SLC8A1: variants seen among roughly 807,000 people sequenced by gnomAD.
The protein encoded by SLC8A1 is solute carrier family 8 member A1.
Under a neutral mutation model 68.3 loss-of-function variants are expected in SLC8A1, and 18 were observed. The ratio of observed to expected loss-of-function variants is 0.26; its 90% CI spans 0.18 to 0.39. The LOEUF is 0.39. SLC8A1 is among the 10% of genes least tolerant of loss of function. SLC8A1 has a pLI of 1.00. For missense variants in SLC8A1, 985 were observed against 1,156.7 expected, an observed-to-expected ratio of 0.85 and a Z score of 2.15; for synonymous variants, 475 against 415.5, an observed-to-expected ratio of 1.14 and a Z score of -1.74.
At chr2:40,155,320 G>A (rs2044272983) in intron 6 of SLC8A1, among the ~76,000 whole-genome samples, 1 of 151,968 alleles carries the variant, frequency 6.6e-6, no homozygotes, top group Non-Finnish European at 1.5e-5. Context: ...AAGTAGAGAG[G>A]TGGTTTCACC....
chr2:40,170,137 C>T (rs529016204), intron 4 of SLC8A1, 144 bp downstream of exon 7: 13 of 714,442 alleles, frequency 1.8e-5, no homozygotes, highest in South Asian at 3.8e-5. Flanking sequence ...TGTAATCCAC[C>T]GTACCACTGG....
intron 1 of SLC8A1, among the ~76,000 whole-genome samples, chr2:40,495,997 T>A (rs931037042): frequency 2.6e-5 from 4 of 152,006 alleles, no homozygotes; most frequent in Non-Finnish European, 5.9e-5. Context: ...TCTATTTAGA[T>A]AAATAAAACA....
At chr2:40,318,834 G>C (rs758885050) in intron 2 of SLC8A1, among the ~76,000 whole-genome samples, 4 of 152,032 alleles carry the variant, frequency 2.6e-5, no homozygotes, top group Non-Finnish European at 4.4e-5. Flanking sequence ...TGTGTGCAAC[G>C]CTTAGGAAAG....
chr2:40,391,190 T>TATA (rs1553562237), intron 2 of SLC8A1, among the ~76,000 whole-genome samples: 10 of 149,114 alleles, frequency 6.7e-5, no homozygotes, highest in African/African-American at 2.5e-4. Context: ...TGTATATATA[T>TATA]TACACACACA....
At chr2:40,204,137 T>C (rs1313520359) in intron 2 of SLC8A1, among the ~76,000 whole-genome samples, 2 of 152,060 alleles carry the variant, frequency 1.3e-5, no homozygotes, top group Non-Finnish European at 2.9e-5. Context: ...AAGCCATTTG[T>C]TGCACTTACT....
chr2:40,216,233 C>G lies in SLC8A1; in HGVS notation c.1809-38378G>C, dbSNP rs143635484. 4.7e-3 allele frequency among the ~76,000 whole-genome samples: 720 copies of G among 152,196 alleles called. 8 individuals carry two copies. Among genetic ancestry groups the G allele is most frequent in the African/African-American group, 0.016 (676 of 41,528 alleles). On this transcript the variant is annotated intron_variant, in intron 2 of 7. Transcript: ENST00000406785. ...ATGTGTTCTCAATGTTCAACTCCCC[C>G]TTATGAGTGAGAACATGTGGTGTTT... is the stretch of plus-strand genomic sequence containing the variant.
chr2:40,161,014 A>G (rs1314046664), intron 5 of SLC8A1, 150 bp from the exon 9 acceptor site: 2 of 610,880 alleles, frequency 3.3e-6, no homozygotes. Context: ...CACTGTTATG[A>G]TTATGCAAAC....
intron 2 of SLC8A1, among the ~76,000 whole-genome samples, chr2:40,406,381 A>G (rs1017296536): frequency 6.6e-6 from 1 of 152,176 alleles, no homozygotes; most frequent in African/African-American, 2.4e-5. Context: ...CCATTTTAAT[A>G]GTTCTATTAT....
chr2:40,389,857 G>T (rs759422702), intron 2 of SLC8A1, among the ~76,000 whole-genome samples: 10 of 145,828 alleles, frequency 6.9e-5, no homozygotes, highest in Middle Eastern at 3.5e-3. Context: ...ATATATCAAA[G>T]AAAATCAATG....
intron 7 of SLC8A1, chr2:40,116,915 G>A (rs952064536): frequency 4.6e-5 from 7 of 152,178 alleles, no homozygotes; most frequent in Non-Finnish European, 1.0e-4. Context: ...TTGAGCTGGG[G>A]GACTTCAAAT....
At chr2:40,489,635 T>C (rs548666705) in intron 1 of SLC8A1, among the ~76,000 whole-genome samples, 1 of 151,888 alleles carries the variant, frequency 6.6e-6, no homozygotes, top group South Asian at 2.1e-4. Flanking sequence ...AACACTTTAG[T>C]TGGAGAAGGA....
intron 2 of SLC8A1, among the ~76,000 whole-genome samples, chr2:40,390,278 C>T (rs999562449): frequency 6.6e-6 from 1 of 152,062 alleles, no homozygotes; most frequent in African/African-American, 2.4e-5. Context: ...GCAATTGTCA[C>T]TTGGCTTGGA....
chr2:40,509,050 G>C (rs1268490437), intron 1 of SLC8A1, among the ~76,000 whole-genome samples: 2 of 152,166 alleles, frequency 1.3e-5, no homozygotes, highest in East Asian at 1.9e-4. Context: ...ACAGTACCAA[G>C]TGCCTCTTGA....
chr2:40,387,579 T>C (rs1183920517), intron 2 of SLC8A1, among the ~76,000 whole-genome samples: 4 of 151,460 alleles, frequency 2.6e-5, no homozygotes, highest in African/African-American at 9.8e-5. Flanking sequence ...GTTATAGCTA[T>C]ATTTTCATAA....
At chr2:40,420,749 G>T (rs527686324) in intron 2 of SLC8A1, among the ~76,000 whole-genome samples, 31 of 152,224 alleles carry the variant, frequency 2.0e-4, no homozygotes, top group African/African-American at 7.2e-4. Flanking sequence ...AGCAGCTTGA[G>T]CATGTGTTGA....
chr2:40,258,155 A>C (rs367663480), intron 2 of SLC8A1, among the ~76,000 whole-genome samples: 11 of 152,302 alleles, frequency 7.2e-5, no homozygotes, highest in East Asian at 5.8e-4. Flanking sequence ...AAAAATCTCT[A>C]AACAGTGACA....
At position 40,470,749 on chromosome 2, in the gene SLC8A1, C is replaced by T. The variant is rs536527672; in HGVS notation, c.-24-40445G>A. On this transcript the variant is annotated intron_variant, in intron 1 of 7. Transcript: ENST00000402441. The stretch of plus-strand genomic sequence containing the variant: ...GCTTTTGAATAATCTTTTCTTTCTA[C>T]TTTATTTACTTTCATTAAGACTTAA... Among the ~76,000 whole-genome samples the T allele has an allele frequency of 2.6e-5, 4 of 151,964 alleles. No individual in the cohort carries two copies. The East Asian group carries it at 7.7e-4, about 29-fold the overall frequency.
At chr2:40,354,044 T>G (rs1469241032) in intron 2 of SLC8A1, among the ~76,000 whole-genome samples, 1 of 152,214 alleles carries the variant, frequency 6.6e-6, no homozygotes, top group Non-Finnish European at 1.5e-5. Flanking sequence ...GATGTTTTTA[T>G]AGGAAAGAGC....
chr2:40,148,063 C>CA (rs1164541084), intron 6 of SLC8A1, among the ~76,000 whole-genome samples: 4 of 152,132 alleles, frequency 2.6e-5, no homozygotes, highest in Admixed American at 2.0e-4. Flanking sequence ...GTTTGTACAG[C>CA]AAAAATTCAT....
Sources: allele counts gnomAD v4.1 joint callset (sites outside exome capture counted in the v4.1 genomes callset), GRCh38; gene constraint gnomAD v4.1.1; transcripts MANE v1.5; gene names NCBI Gene and HGNC (gene_info 2026-07-23, HGNC 2026-07-21).